The following VIPR1 variants were observed in gnomAD, a reference collection of about 807,000 sequenced individuals.
VIPR1 encodes vasoactive intestinal peptide receptor 1.
In VIPR1, 59 loss-of-function variants were observed where a neutral mutation model predicts 58.8. That is an observed-to-expected ratio of 1.00 (90% confidence interval 0.81 to 1.25). The LOEUF (loss-of-function observed/expected upper bound fraction) is 1.25. Among genes scored for constraint, VIPR1 ranks in the 50% most tolerant of loss-of-function variants. The pLI, the probability that VIPR1 is intolerant of heterozygous loss-of-function variation, is 0.00. For synonymous variants in VIPR1, 251 were observed against 242.1 expected, an observed-to-expected ratio of 1.04 and a Z score of -0.34; for missense variants, 626 against 602.7, an observed-to-expected ratio of 1.04 and a Z score of -0.40.
chr3:42,497,041 T>C (rs942732618), intron 1 of VIPR1, among the ~76,000 whole-genome samples: 3 of 152,172 alleles, frequency 2.0e-5, no homozygotes, highest in Non-Finnish European at 4.4e-5. Context: ...CCATGTTGTG[T>C]TTTGTCCTGC....
Position 42,530,823 on chromosome 3 carries a change from G to A in VIPR1, c.681G>A (p.Met227Ile). ...TGGTCTTTTTCCAATATTGTGTCATGGCTAACTTCTTCTGGCTGCTGGTGG... is the reference window on the plus strand; with the variant it reads ...TGGTCTTTTTCCAATATTGTGTCATAGCTAACTTCTTCTGGCTGCTGGTGG... ...AAMVFFQYCV[M>I]ANFFWLLVEG... Residue 227 changes from methionine (M) to isoleucine (I), a missense_variant, in exon 7 of 13, where the codon ATG becomes ATA. Transcript: ENST00000325123. 1.2e-6 allele frequency: 2 copies of A among 1,614,078 alleles called. No homozygotes were observed. The highest frequency in any genetic ancestry group is 1.7e-6 in the Non-Finnish European group (2 of 1,179,998).
At chr3:42,523,586 C>T (rs927750732) in intron 3 of VIPR1, among the ~76,000 whole-genome samples, 3 of 147,996 alleles carry the variant, frequency 2.0e-5, no homozygotes, top group East Asian at 2.0e-4. Flanking sequence ...TTAATGTTTA[C>T]CCTAACACCT....
chr3:42,532,509 C>T (rs958457372), intron 10 of VIPR1, 176 bp downstream of exon 10: 49 of 672,750 alleles, frequency 7.3e-5, no homozygotes, highest in Non-Finnish European at 1.3e-4. Context: ...TGCTCCAGCC[C>T]CACCCTCACC....
At position 42,531,509 on chromosome 3, in the gene VIPR1, A is replaced by C; in HGVS notation, c.829A>C (p.Arg277=). 1 of 1,595,988 alleles carries C rather than the reference A, an allele frequency of 6.3e-7. No homozygotes were observed. Among genetic ancestry groups the C allele is most frequent in the South Asian group, 1.1e-5 (1 of 87,994 alleles). The change falls in exon 8 of 13, where the codon AGG becomes CGG. Residue 277 remains arginine, a synonymous_variant. Coordinates refer to ENST00000325123, the MANE Select transcript of VIPR1 (RefSeq NM_004624.4). ...ATTCACCATGGTGTGGACCATCGCC[A>C]GGATCCATTTTGAGGATTATGGGTG... The part of the protein sequence containing the change: ...STFTMVWTIA[R]IHFEDYGCWD...
chr3:42,522,232 C>T (rs1032008736), intron 3 of VIPR1, among the ~76,000 whole-genome samples: 4 of 150,842 alleles, frequency 2.7e-5, no homozygotes, highest in East Asian at 2.0e-4. Context: ...CTGCCTCAGC[C>T]TCCCCAGTAG....
intron 2 of VIPR1, among the ~76,000 whole-genome samples, chr3:42,515,301 C>T (rs1475806097): frequency 6.6e-6 from 1 of 152,200 alleles, no homozygotes; most frequent in Non-Finnish European, 1.5e-5. Context: ...GCTTTGCCTA[C>T]CCTTGTCTCA....
chr3:42,534,775 G>C, intron 10 of VIPR1, 200 bp from the exon 11 acceptor site: 1 of 599,816 alleles, frequency 1.7e-6, no homozygotes, highest in South Asian at 2.3e-5. Context: ...CAGGAGGGCT[G>C]GGGGCAGAAG....
intron 6 of VIPR1, 73 bp downstream of exon 6, chr3:42,528,196 C>T: frequency 1.3e-6 from 2 of 1,550,300 alleles, no homozygotes; most frequent in Middle Eastern, 2.2e-4. Context: ...TCCTCTTCTC[C>T]CCCTGCTTCT....
intron 8 of VIPR1, 29 bp from the exon 9 acceptor site, chr3:42,531,774 C>T: frequency 6.2e-7 from 1 of 1,613,764 alleles, no homozygotes; most frequent in Non-Finnish European, 8.5e-7. Flanking sequence ...GAGGACAATC[C>T]CTCTCATTCC....
At chr3:42,491,960 T>C (rs1699673674) in intron 1 of VIPR1, among the ~76,000 whole-genome samples, 1 of 152,084 alleles carries the variant, frequency 6.6e-6, no homozygotes, top group African/African-American at 2.4e-5. Flanking sequence ...GAGGAAGCAA[T>C]TGTGGTGAAC....
chr3:42,536,273 C>G lies in VIPR1; in HGVS notation c.1366C>G (p.Leu456Val), dbSNP rs866313673. The change falls in exon 13 of 13, where the codon CTG becomes GTG. Residue 456 changes from leucine (L) to valine (V), a missense_variant. Transcript: ENST00000325123. ...RSSSFQAEVS[L>V]V is the part of the protein sequence containing the mutation. ...CTCCAGCTTCCAAGCCGAAGTCTCC[C>G]TGGTCTGACCACCAGGATCCCAGGG... 1 of 1,560,494 alleles carries G rather than the reference C, an allele frequency of 6.4e-7. No homozygotes were observed. The highest frequency in any genetic ancestry group is 2.3e-5 in the East Asian group (1 of 42,706).
chr3:42,525,685 C>T (rs148684782), intron 3 of VIPR1, among the ~76,000 whole-genome samples: 675 of 152,334 alleles, frequency 4.4e-3, no homozygotes, highest in Admixed American at 6.6e-3. Context: ...ATTCTATCAT[C>T]GGTGCGGGAG....
chr3:42,513,581 G>A (rs562978015), intron 1 of VIPR1, 168 bp from the exon 2 acceptor site: 1 of 663,636 alleles, frequency 1.5e-6, no homozygotes, highest in Non-Finnish European at 2.5e-6. Context: ...TGGGGGCAAT[G>A]GACAACAGGT....
chr3:42,517,074 T>C (rs1700666480), intron 2 of VIPR1, among the ~76,000 whole-genome samples: 3 of 152,146 alleles, frequency 2.0e-5, no homozygotes, highest in African/African-American at 7.2e-5. Flanking sequence ...GGGGGAAAAG[T>C]GGTCAGGGTC....
At position 42,535,084 on chromosome 3, in the gene VIPR1, C is replaced by G; in HGVS notation, c.1120C>G (p.Leu374Val). ...GCCTGAAGTGAAGATGGTCTTTGAG[C>G]TCGTCGTGGGGTCTTTCCAGGTATG... ...FKPEVKMVFE[L>V]VVGSFQGFVV... is the part of the protein sequence containing the mutation. The change falls in exon 11 of 13, where the codon CTC (leucine) becomes GTC (valine). Residue 374 changes from leucine to valine, a missense_variant. Physicochemically the swap from Leu to Val is conservative, Grantham distance 32 (BLOSUM62 1). Transcript: ENST00000325123. 1.2e-6 allele frequency: 2 copies of G among 1,614,240 alleles called. No homozygotes were observed. The highest frequency in any genetic ancestry group is 1.7e-6 in the Non-Finnish European group (2 of 1,180,036).
chr3:42,519,978 A>G (rs1005422328), intron 3 of VIPR1, among the ~76,000 whole-genome samples: 35 of 152,350 alleles, frequency 2.3e-4, no homozygotes, highest in African/African-American at 8.4e-4. Context: ...AAGGAAATAA[A>G]CAGATGTATC....
intron 3 of VIPR1, among the ~76,000 whole-genome samples, chr3:42,525,052 G>A (rs1279852616): frequency 6.6e-6 from 1 of 152,092 alleles, no homozygotes; most frequent in Non-Finnish European, 1.5e-5. Flanking sequence ...CGGTGGTGGT[G>A]GTGGTGATGA....
At chr3:42,535,700 A>C (rs1228440022) in intron 12 of VIPR1, among the ~76,000 whole-genome samples, 1 of 152,154 alleles carries the variant, frequency 6.6e-6, no homozygotes, top group African/African-American at 2.4e-5. Flanking sequence ...GGCTGTGTGC[A>C]GTGAGTGGGG....
Position 42,519,311 on chromosome 3 carries a change from GCTC to G in VIPR1, c.274_276del (p.Leu92del). The stretch of plus-strand genomic sequence containing the variant: ...TCTTGGCCTGTCCCCTCATCTTCAA[GCTC>G]TTCTCCTCCATTCAAGGTAAGACCC... On this transcript the variant is annotated inframe_deletion, in exon 3 of 13. Coordinates refer to ENST00000325123, the MANE Select transcript of VIPR1 (RefSeq NM_004624.4). 1 of 1,609,856 alleles carries G rather than the reference GCTC, an allele frequency of 6.2e-7. No homozygotes were observed. Among genetic ancestry groups the G allele is most frequent in the South Asian group, 1.1e-5 (1 of 90,060 alleles).
Sources: allele counts gnomAD v4.1 joint callset (sites outside exome capture counted in the v4.1 genomes callset), GRCh38; gene constraint gnomAD v4.1.1; transcripts MANE v1.5; gene names NCBI Gene and HGNC (gene_info 2026-07-23, HGNC 2026-07-21).